The following SMTN variants were observed in gnomAD, a reference collection of about 807,000 sequenced individuals.
The protein encoded by SMTN is smoothelin.
In SMTN, 58 loss-of-function variants were observed where a neutral mutation model predicts 102.0. The ratio of observed to expected loss-of-function variants is 0.57; its 90% CI spans 0.46 to 0.71. The LOEUF is 0.71. Ranked by LOEUF, SMTN falls within the 30% of genes least tolerant of loss-of-function variation. The pLI, the probability that SMTN is intolerant of heterozygous loss-of-function variation, is 0.00. For synonymous variants in SMTN, 478 were observed against 497.9 expected, an observed-to-expected ratio of 0.96 and a Z score of 0.53; for missense variants, 1,185 against 1,241.7, an observed-to-expected ratio of 0.95 and a Z score of 0.69.
chr22:31,098,628 C>CT (rs760453231), intron 16 of SMTN, 39 bp from the exon 17 acceptor site: 1 of 1,603,624 alleles, frequency 6.2e-7, no homozygotes, highest in Non-Finnish European at 8.5e-7. Context: ...GGGAGCAGCC[C>CT]TGCTCTCCCT....
chr22:31,089,898 A>G lies in SMTN; in HGVS notation c.671A>G (p.Gln224Arg). Residue 224 changes from glutamine to arginine, a missense_variant, in exon 7 of 21, where the codon CAG becomes CGG. Gln to Arg is a conservative substitution (Grantham distance 43, BLOSUM62 1). Transcript: ENST00000333137. ...PEPPLEPAEA[Q>R]CLTAEVPGSP... is the part of the protein sequence containing the mutation. ...CCTCCATTGGAGCCTGCCGAGGCCCAGTGCCTTACAGCTGAGGTTCCAGGC... is the reference window on the plus strand; with the variant it reads ...CCTCCATTGGAGCCTGCCGAGGCCCGGTGCCTTACAGCTGAGGTTCCAGGC... 1 of 1,613,090 alleles carries G rather than the reference A, an allele frequency of 6.2e-7. No homozygotes were observed.
chr22:31,077,513 CAT>C (rs1333506244), upstream of SMTN, among the ~76,000 whole-genome samples: 8 of 152,110 alleles, frequency 5.3e-5, 1 homozygote, highest in Admixed American at 5.2e-4. Context: ...AATTGCCACA[CAT>C]GTAGTATAAG....
At chr22:31,070,698 T>C (rs11705351) in intron 1 of SMTN, among the ~76,000 whole-genome samples, 34,773 of 150,698 alleles carry the variant, frequency 0.23, 5,204 homozygotes, top group African/African-American at 0.43. Context: ...CCCAGGTGGG[T>C]GGATCACTTG....
upstream of SMTN, among the ~76,000 whole-genome samples, chr22:31,079,659 C>T (rs1364426373): frequency 2.0e-5 from 3 of 152,236 alleles, no homozygotes; most frequent in Non-Finnish European, 4.4e-5. Flanking sequence ...GGCATCTCGC[C>T]CAGGTAGAGA....
At chr22:31,101,509 G>A (rs375692207) in intron 20 of SMTN, 25 of 160,004 alleles carry the variant, frequency 1.6e-4, no homozygotes, top group Non-Finnish European at 2.5e-4. Context: ...CCTTCTGGCC[G>A]AGCACGGTGG....
chr22:31,092,028 G>A (rs967087448), intron 11 of SMTN, among the ~76,000 whole-genome samples, 181 bp downstream of exon 11: 2 of 152,236 alleles, frequency 1.3e-5, no homozygotes, highest in African/African-American at 4.8e-5. Context: ...GCTAAGGCCA[G>A]ACCCTAGCAT....
At position 31,095,100 on chromosome 22, in the gene SMTN, G is replaced by A. The variant is rs1431446611; in HGVS notation, c.1633-203G>A. Among the ~76,000 whole-genome samples the A allele has an allele frequency of 1.3e-5, 2 of 152,190 alleles. No homozygotes were observed. The highest frequency in any genetic ancestry group is 2.9e-5 in the Non-Finnish European group (2 of 68,046). On this transcript the variant is annotated intron_variant, in intron 11 of 20. Transcript: ENST00000333137. This position sits in a 1 kb window ranked among gnomAD's most constrained non-coding sequence, Gnocchi z 4.1. The stretch of plus-strand genomic sequence containing the variant: ...ATTGTATTAATACAATTCGGGGTAC[G>A]TGGGAAGCCCTACAACAAAACTGTC...
At position 31,098,934 on chromosome 22, in the gene SMTN, C is replaced by G; in HGVS notation, c.2333+94C>G. On this transcript the variant is annotated intron_variant, in intron 17 of 20. Coordinates refer to ENST00000333137, the MANE Select transcript of SMTN (RefSeq NM_134269.3). ...AGTTGGCCCGGCAGAGGCGGGAAGA[C>G]CGCGCGGCTAGATCTGTGGTGCAAA... The G allele has an allele frequency of 2.6e-6, 4 of 1,550,928 alleles. No individual in the cohort carries two copies. The East Asian group carries it at 9.0e-5, about 35-fold the overall frequency.
At chr22:31,096,053 C>A in intron 13 of SMTN, 1 of 237,308 alleles carries the variant, frequency 4.2e-6, no homozygotes, top group African/African-American at 2.3e-5. Context: ...CCAGATAGTT[C>A]TTCCCTGGAC....
intron 1 of SMTN, chr22:31,068,134 T>C (rs1248843781): frequency 6.6e-6 from 1 of 152,082 alleles, no homozygotes; most frequent in African/African-American, 2.4e-5. Context: ...TGAAACCCCA[T>C]CTCTACTAAA....
intron 19 of SMTN, 124 bp downstream of exon 19, chr22:31,100,020 C>A: frequency 1.1e-6 from 1 of 930,130 alleles, no homozygotes; most frequent in Non-Finnish European, 1.6e-6. Flanking sequence ...CGGCTGAGAC[C>A]CCCTTCCCCA....
At position 31,095,694 on chromosome 22, in the gene SMTN, C is replaced by T. The variant is rs566291583; in HGVS notation, c.1861+85C>T. 3.2e-6 allele frequency: 4 copies of T among 1,238,674 alleles called. No homozygotes were observed. The South Asian group carries it at 4.0e-5, about 13-fold the overall frequency. The allele number at this position is 1,238,674 out of a possible 1,614,324, so 76.7% of individuals were successfully genotyped here. ...ATACTCTGGGGTCCATTTGTGGACA[C>T]CCCAGCTTAATAACTGCCCTACCCA... is the stretch of plus-strand genomic sequence containing the variant. On this transcript the variant is annotated intron_variant, in intron 13 of 20. Coordinates refer to ENST00000333137, the MANE Select transcript of SMTN (RefSeq NM_134269.3). This position sits in a 1 kb window ranked among gnomAD's most constrained non-coding sequence, Gnocchi z 4.1.
intron 1 of SMTN, among the ~76,000 whole-genome samples, chr22:31,076,217 C>T (rs2042125092): frequency 6.6e-6 from 1 of 152,248 alleles, no homozygotes; most frequent in African/African-American, 2.4e-5. Flanking sequence ...TGGCCGCCTC[C>T]TCTGGGAAGA....
At chr22:31,083,450 A>C in intron 2 of SMTN, 141 bp downstream of exon 2, 2 of 1,037,716 alleles carry the variant, frequency 1.9e-6, no homozygotes, top group Admixed American at 2.9e-5. Context: ...GGGGTAGGCC[A>C]GTTCCATGTG....
Position 31,104,524 on chromosome 22 carries a change from G to T in SMTN, c.*229G>T. ...CTGCCGCCCCCACTCTCCGGGCACCGTCTCCTGCCTGTGCGTCCGCCCACC... is the reference window on the plus strand; with the variant it reads ...CTGCCGCCCCCACTCTCCGGGCACCTTCTCCTGCCTGTGCGTCCGCCCACC... On this transcript the variant is annotated 3_prime_UTR_variant, in exon 21 of 21. Transcript: ENST00000333137. 1 of 1,580,826 alleles carries T rather than the reference G, an allele frequency of 6.3e-7. No homozygotes were observed. Among genetic ancestry groups the T allele is most frequent in the South Asian group, 1.1e-5 (1 of 90,172 alleles).
At chr22:31,096,076 T>G (rs1163102522) in intron 13 of SMTN, 1 of 190,462 alleles carries the variant, frequency 5.3e-6, no homozygotes, top group East Asian at 1.6e-4. Context: ...ATCTATTCAT[T>G]CCCTTAGATT....
At position 31,083,322 on chromosome 22, in the gene SMTN, A is replaced by G; in HGVS notation, c.51+13A>G. On this transcript the variant is annotated intron_variant, in intron 2 of 20. Transcript: ENST00000333137. ...CCTTCGGAAGCTGGTAAGTGGCCCC[A>G]TCACCCACTGTGGGGACAGGAAAGC... The G allele has an allele frequency of 1.3e-5, 20 of 1,550,848 alleles. No individual in the cohort carries two copies. The highest frequency in any genetic ancestry group is 1.7e-5 in the Non-Finnish European group (20 of 1,148,792).
Position 31,091,164 on chromosome 22 carries a change from T to C in SMTN, c.1141T>C (p.Ser381Pro). Residue 381 changes from serine to proline, a missense_variant, in exon 10 of 21, where the codon TCC becomes CCC. By Grantham distance (74) the Ser-to-Pro change is moderately conservative (BLOSUM62 -1). Transcript: ENST00000333137. ...STTPASSSSG[S>P]SSRGPSDTSS... is the part of the protein sequence containing the mutation. ...CACCCCTGCCTCCTCCTCCAGCGGC[T>C]CCTCCTCTCGGGGCCCCAGTGATAC... The C allele has an allele frequency of 1.2e-6, 2 of 1,613,034 alleles. No individual in the cohort carries two copies. The highest frequency in any genetic ancestry group is 1.7e-6 in the Non-Finnish European group (2 of 1,179,700).
chr22:31,092,240 C>T (rs2043194031), intron 11 of SMTN, among the ~76,000 whole-genome samples: 1 of 152,226 alleles, frequency 6.6e-6, no homozygotes, highest in Non-Finnish European at 1.5e-5. Context: ...CACTGGACAT[C>T]AGCCCCGAGG....
Sources: allele counts gnomAD v4.1 joint callset (sites outside exome capture counted in the v4.1 genomes callset), GRCh38; gene constraint gnomAD v4.1.1; non-coding constraint Gnocchi (gnomAD v3.1); transcripts MANE v1.5; gene names NCBI Gene and HGNC (gene_info 2026-07-23, HGNC 2026-07-21).